The following ADAMTS12 variants were observed in gnomAD, a reference collection of about 807,000 sequenced individuals.
ADAMTS12 encodes the protein A disintegrin and metalloproteinase with thrombospondin motifs 12.
In ADAMTS12, 118 loss-of-function variants were observed where a neutral mutation model predicts 167.8. The ratio of observed to expected loss-of-function variants is 0.70; its 90% CI spans 0.61 to 0.82. ADAMTS12 has a LOEUF of 0.82. ADAMTS12 is among the 40% of genes least tolerant of loss of function. The pLI, the probability that ADAMTS12 is intolerant of heterozygous loss-of-function variation, is 0.00. For missense variants in ADAMTS12, 1,916 were observed against 1,998.8 expected (o/e 0.96, Z 0.79); for synonymous variants, 704 against 716.9 (o/e 0.98, Z 0.29).
At chr5:33,836,082 C>T (rs1482001086) in intron 2 of ADAMTS12, among the ~76,000 whole-genome samples, 1 of 152,132 alleles carries the variant, frequency 6.6e-6, no homozygotes, top group African/African-American at 2.4e-5. Flanking sequence ...TCATGAAGCC[C>T]ACATCCTCAG....
At chr5:33,866,431 T>G (rs968221526) in intron 2 of ADAMTS12, among the ~76,000 whole-genome samples, 2 of 152,164 alleles carry the variant, frequency 1.3e-5, no homozygotes, top group African/African-American at 2.4e-5. Flanking sequence ...TCTCTCACCT[T>G]ATACAAAAAT....
At chr5:33,763,366 T>G (rs562535610) in intron 2 of ADAMTS12, among the ~76,000 whole-genome samples, 48 of 152,190 alleles carry the variant, frequency 3.2e-4, no homozygotes, top group African/African-American at 1.1e-3. Context: ...AGTGATGTGA[T>G]GAAGGAGCCA....
rs1265472965 is a variant in ADAMTS12 at position 33,589,348 on chromosome 5, T to C, written c.2655-539A>G. The stretch of plus-strand genomic sequence containing the variant: ...AGGTCTCCTGGCTCTTAATTGAATG[T>C]AAAGTAGCTACTTAAACATAAATTT... On this transcript the variant is annotated intron_variant, in intron 17 of 23. Coordinates refer to ENST00000504830, the MANE Select transcript of ADAMTS12 (RefSeq NM_030955.4). Among the ~76,000 whole-genome samples the C allele has an allele frequency of 2.0e-5, 3 of 152,224 alleles. No homozygotes were observed. The East Asian group carries it at 5.8e-4, about 29-fold the overall frequency.
chr5:33,813,069 TA>T (rs1747521693), intron 2 of ADAMTS12, among the ~76,000 whole-genome samples: 1 of 152,190 alleles, frequency 6.6e-6, no homozygotes. Flanking sequence ...AACTAATTCA[TA>T]TTGAATTCCT....
intron 2 of ADAMTS12, among the ~76,000 whole-genome samples, chr5:33,817,490 T>A (rs1321930625): frequency 1.3e-5 from 2 of 152,178 alleles, no homozygotes; most frequent in African/African-American, 4.8e-5. Context: ...ATTGTTATTA[T>A]GGAAAATACC....
At chr5:33,799,919 A>C (rs1746932128) in intron 2 of ADAMTS12, among the ~76,000 whole-genome samples, 1 of 152,170 alleles carries the variant, frequency 6.6e-6, no homozygotes, top group Non-Finnish European at 1.5e-5. Context: ...TAAATGAAGG[A>C]GCAACAGAGA....
rs979662413 is a variant in ADAMTS12, at chr5:33,611,705, A to G, written c.2527+2533T>C. On this transcript the variant is annotated intron_variant, in intron 16 of 23. Transcript: ENST00000504830. ...CTCATCAGAAGAACAGCAATAAGGA[A>G]TTGGTTAAGGAAATTTTACTTTATC... is the stretch of plus-strand genomic sequence containing the variant. 2.6e-5 allele frequency among the ~76,000 whole-genome samples: 4 copies of G among 152,190 alleles called. No homozygotes were observed. In the East Asian group the frequency reaches 7.7e-4, roughly 29 times the overall value.
intron 17 of ADAMTS12, among the ~76,000 whole-genome samples, chr5:33,595,705 T>A (rs1329145613): frequency 6.6e-6 from 1 of 152,246 alleles, no homozygotes; most frequent in Non-Finnish European, 1.5e-5. Flanking sequence ...TGCCAAATAA[T>A]TAAACACAGA....
chr5:33,716,483 C>T (rs918879985), intron 3 of ADAMTS12, among the ~76,000 whole-genome samples: 1 of 151,998 alleles, frequency 6.6e-6, no homozygotes, highest in African/African-American at 2.4e-5. Context: ...AATCTTATTG[C>T]AGTTTCTTTT....
intron 18 of ADAMTS12, among the ~76,000 whole-genome samples, chr5:33,582,288 G>C (rs183108363): frequency 6.6e-6 from 1 of 152,290 alleles, no homozygotes; most frequent in East Asian, 1.9e-4. Context: ...ACTGATGCCT[G>C]GGAAGAACTG....
intron 2 of ADAMTS12, among the ~76,000 whole-genome samples, chr5:33,808,861 C>T (rs1747337875): frequency 6.6e-6 from 1 of 152,198 alleles, no homozygotes; most frequent in Non-Finnish European, 1.5e-5. Context: ...GGACTAGAAT[C>T]TAGTTTCCGT....
At chr5:33,662,073 A>G (rs554652631) in intron 5 of ADAMTS12, 33 bp from the exon 6 acceptor site, 1 of 1,600,686 alleles carries the variant, frequency 6.2e-7, no homozygotes, top group African/African-American at 1.3e-5. Context: ...TTAGCATGGG[A>G]GAGCTCACTG....
chr5:33,883,327 G>GTTTTTTT (rs79064946), intron 1 of ADAMTS12, among the ~76,000 whole-genome samples: 97 of 111,564 alleles, frequency 8.7e-4, no homozygotes, highest in African/African-American at 3.0e-3. Flanking sequence ...TTTTTTTTTT[G>GTTTTTTT]TTTTTTTTTT....
At chr5:33,546,530 G>A (rs377734259) in intron 21 of ADAMTS12, among the ~76,000 whole-genome samples, 4 of 152,056 alleles carry the variant, frequency 2.6e-5, no homozygotes, top group East Asian at 3.8e-4. Context: ...CCCAAAAGGG[G>A]GGCACACATT....
chr5:33,827,958 AT>A (rs1341725106), intron 2 of ADAMTS12, among the ~76,000 whole-genome samples: 1 of 152,112 alleles, frequency 6.6e-6, no homozygotes, highest in Non-Finnish European at 1.5e-5. Flanking sequence ...TTCTTTATGC[AT>A]TTTACTAAGT....
intron 2 of ADAMTS12, among the ~76,000 whole-genome samples, chr5:33,776,086 A>C (rs1745901763): frequency 6.6e-6 from 1 of 152,216 alleles, no homozygotes; most frequent in African/African-American, 2.4e-5. Context: ...AAATATCAAC[A>C]GAACTGAAGG....
At chr5:33,887,913 TTTTGTA>T (rs1461126230) in intron 1 of ADAMTS12, 3 of 151,834 alleles carry the variant, frequency 2.0e-5, no homozygotes, top group African/African-American at 7.3e-5. Flanking sequence ...CCCGGCTGAT[TTTTGTA>T]TTTTTAGTAG....
chr5:33,823,229 G>A lies in ADAMTS12; in HGVS notation c.489+57890C>T, dbSNP rs183888758. 2.9e-3 allele frequency among the ~76,000 whole-genome samples: 442 copies of A among 152,274 alleles called. 2 individuals are homozygous for A. Among genetic ancestry groups the A allele is most frequent in the Non-Finnish European group, 5.3e-3 (358 of 68,018 alleles). On this transcript the variant is annotated intron_variant, in intron 2 of 23. Coordinates refer to ENST00000504830, the MANE Select transcript of ADAMTS12 (RefSeq NM_030955.4). The stretch of plus-strand genomic sequence containing the variant: ...AACTGAGAGCTTTTCTCCCTGGGTG[G>A]CAAGCTCAATTGCCTTCAGGGCCAA...
chr5:33,535,855 G>T (rs541176279), intron 22 of ADAMTS12, among the ~76,000 whole-genome samples: 4 of 152,074 alleles, frequency 2.6e-5, no homozygotes, highest in Middle Eastern at 3.2e-3. Flanking sequence ...ATGTGGAATG[G>T]GGGTAGGGAC....
Sources: gnomAD v4.1 joint callset for allele counts (sites outside exome capture counted in the v4.1 genomes callset) on GRCh38, gnomAD v4.1.1 for gene constraint, MANE v1.5 for transcripts, NCBI Gene and HGNC (gene_info 2026-07-23, HGNC 2026-07-21) for gene names.